Variants in GPR15LG observed in about 807,000 individuals in gnomAD.
GPR15LG encodes the protein protein GPR15LG.
At chr10:84,174,754 T>C in the GPR15LG span, among the ~76,000 whole-genome samples, 136 of 152,256 alleles carry the variant, frequency 8.9e-4, no homozygotes, top group African/African-American at 3.0e-3. Flanking sequence ...CCTCCCAAAG[T>C]GCTGGGATTA....
the GPR15LG span, among the ~76,000 whole-genome samples, chr10:84,174,494 C>CT: frequency 0.02 from 1,951 of 98,656 alleles, 66 homozygotes; most frequent in African/African-American, 0.064. Flanking sequence ...TTTCTTTTTT[C>CT]TTTTTTTTTT....
At chr10:84,185,164 C>T in the GPR15LG span, 4 of 871,184 alleles carry the variant, frequency 4.6e-6, no homozygotes, top group East Asian at 2.3e-4. Flanking sequence ...TCCATTCAGC[C>T]TCCTGGCATT....
chr10:84,180,816 A>G, the GPR15LG span, among the ~76,000 whole-genome samples: 1 of 152,218 alleles, frequency 6.6e-6, no homozygotes, highest in Admixed American at 6.5e-5. Flanking sequence ...TGAGTGAACG[A>G]GACTCCGTCT....
At chr10:84,176,444 T>G in the GPR15LG span, 1 of 1,488,920 alleles carries the variant, frequency 6.7e-7, no homozygotes, top group African/African-American at 1.4e-5. Context: ...ACAAGCCCAC[T>G]AAAGACAGTC....
the GPR15LG span, among the ~76,000 whole-genome samples, chr10:84,174,844 C>G: frequency 6.6e-6 from 1 of 152,094 alleles, no homozygotes; most frequent in Non-Finnish European, 1.5e-5. Flanking sequence ...CTTGTCTAAC[C>G]CTCTAGAAAC....
chr10:84,181,409 G>A, the GPR15LG span, among the ~76,000 whole-genome samples: 3 of 151,670 alleles, frequency 2.0e-5, no homozygotes, highest in East Asian at 5.9e-4. Context: ...ATAGCAATCT[G>A]TATAGCAGCA....
At chr10:84,173,856 G>C in the GPR15LG span, 1 of 1,612,908 alleles carries the variant, frequency 6.2e-7, no homozygotes, top group Admixed American at 1.7e-5. Flanking sequence ...CTCACCATGA[G>C]GCTTCTAGTC....
At chr10:84,174,250 C>T in the GPR15LG span, among the ~76,000 whole-genome samples, 1 of 152,156 alleles carries the variant, frequency 6.6e-6, no homozygotes, top group African/African-American at 2.4e-5. Context: ...TGGAGCCATT[C>T]TCTTGTACTT....
the GPR15LG span, among the ~76,000 whole-genome samples, chr10:84,180,869 G>A: frequency 1.9e-3 from 288 of 152,376 alleles, no homozygotes; most frequent in African/African-American, 6.2e-3. Flanking sequence ...CAGATCACTC[G>A]TGGTCAGGAG....
the GPR15LG span, among the ~76,000 whole-genome samples, chr10:84,175,974 C>T: frequency 5.3e-5 from 8 of 152,024 alleles, no homozygotes; most frequent in African/African-American, 1.9e-4. Flanking sequence ...CCACAACCTC[C>T]GCCTCCCGGG....
the GPR15LG span, chr10:84,176,440 C>T: frequency 3.5e-6 from 5 of 1,421,772 alleles, no homozygotes; most frequent in African/African-American, 7.0e-5. Flanking sequence ...ACAGACAAGC[C>T]CACTAAAGAC....
the GPR15LG span, among the ~76,000 whole-genome samples, chr10:84,183,911 G>A: frequency 2.0e-5 from 3 of 152,014 alleles, no homozygotes; most frequent in Non-Finnish European, 2.9e-5. Context: ...CTCCCAAACC[G>A]CTAGGATTAC....
chr10:84,176,421 A>C, the GPR15LG span: 1 of 1,210,642 alleles, frequency 8.3e-7, no homozygotes, highest in Non-Finnish European at 1.2e-6. Flanking sequence ...TGGAAGGGGA[A>C]GCTCACTCAC....
At chr10:84,184,480 T>G in the GPR15LG span, among the ~76,000 whole-genome samples, 2 of 152,274 alleles carry the variant, frequency 1.3e-5, no homozygotes, top group Non-Finnish European at 2.9e-5. Flanking sequence ...TGAAATAATC[T>G]GGGCTGGTCT....
chr10:84,183,928 G>A, the GPR15LG span, among the ~76,000 whole-genome samples: 1 of 152,096 alleles, frequency 6.6e-6, no homozygotes, highest in Non-Finnish European at 1.5e-5. Flanking sequence ...TTACAGGTGT[G>A]AGCCACTACA....
the GPR15LG span, among the ~76,000 whole-genome samples, chr10:84,181,237 TA>T: frequency 0.013 from 1,457 of 115,016 alleles, 59 homozygotes; most frequent in African/African-American, 0.054. Flanking sequence ...TTTAAAAAAT[TA>T]AATTTTTTTT....
At chr10:84,173,858 C>T in the GPR15LG span, 160 of 1,612,706 alleles carry the variant, frequency 9.9e-5, no homozygotes, top group Non-Finnish European at 1.3e-4. Context: ...CACCATGAGG[C>T]TTCTAGTCCT....
the GPR15LG span, chr10:84,184,534 T>G: frequency 3.6e-6 from 3 of 837,160 alleles, no homozygotes; most frequent in Non-Finnish European, 5.8e-6. Flanking sequence ...GGGAAAAGCA[T>G]AAGATCTAAT....
At chr10:84,184,180 T>C in the GPR15LG span, among the ~76,000 whole-genome samples, 1 of 150,280 alleles carries the variant, frequency 6.7e-6, no homozygotes, top group African/African-American at 2.5e-5. Context: ...AAAAAAACTA[T>C]AAAAATAGTT....
Sources: gnomAD v4.1 joint callset for allele counts (sites outside exome capture counted in the v4.1 genomes callset) on GRCh38, gnomAD v4.1.1 for gene constraint, MANE v1.5 for transcripts, NCBI Gene and HGNC (gene_info 2026-07-23, HGNC 2026-07-21) for gene names.